The following PDE4D variants were observed in gnomAD, a reference collection of about 807,000 sequenced individuals.
PDE4D encodes 3',5'-cyclic-AMP phosphodiesterase 4D.
Under a neutral mutation model 87.4 loss-of-function variants are expected in PDE4D, and 24 were observed. That is an observed-to-expected ratio of 0.27 (90% CI 0.20 to 0.39). PDE4D has a LOEUF of 0.39. PDE4D is among the 10% of genes least tolerant of loss of function. PDE4D has a pLI of 1.00. For missense variants in PDE4D, 714 were observed against 1,041.0 expected (o/e 0.69, Z 4.32); for synonymous variants, 384 against 383.2 (o/e 1.00, Z -0.02).
At chr5:59,031,373 ATATATATATATATATATAT>A (rs1252361586) in intron 6 of PDE4D, among the ~76,000 whole-genome samples, 28 of 25,758 alleles carry the variant, frequency 1.1e-3, no homozygotes, top group African/African-American at 2.3e-3. Context: ...ATATATATAT[ATATATATATATATATATAT>A]TATATATATA....
chr5:59,489,299 GT>G (rs1446997052), intron 1 of PDE4D, among the ~76,000 whole-genome samples: 4 of 149,950 alleles, frequency 2.7e-5, no homozygotes, highest in Middle Eastern at 3.4e-3. Context: ...AAAAAACATT[GT>G]TGCTGTGGTC....
intron 1 of PDE4D, among the ~76,000 whole-genome samples, chr5:59,829,144 T>TAC (rs71606607): frequency 0.3 from 45,542 of 150,464 alleles, 6,987 homozygotes; most frequent in Admixed American, 0.37. Flanking sequence ...TATACTTATC[T>TAC]ACACACACAC....
At chr5:59,488,598 T>G (rs1044957863) in intron 1 of PDE4D, among the ~76,000 whole-genome samples, 1 of 152,124 alleles carries the variant, frequency 6.6e-6, no homozygotes, top group African/African-American at 2.4e-5. Context: ...AGGATATTCA[T>G]TTTTATGAAA....
chr5:60,451,086 G>C (rs1253402133), intron 1 of PDE4D, among the ~76,000 whole-genome samples: 1 of 152,046 alleles, frequency 6.6e-6, no homozygotes, highest in Non-Finnish European at 1.5e-5. Context: ...GCAGACTCTT[G>C]AACTGACACC....
At chr5:59,095,438 C>A (rs1449136288) in intron 5 of PDE4D, among the ~76,000 whole-genome samples, 3 of 152,014 alleles carry the variant, frequency 2.0e-5, no homozygotes, top group Non-Finnish European at 4.4e-5. Flanking sequence ...TTGATTCCCT[C>A]TGTTACACTA....
chr5:59,172,770 T>C (rs1232335104), intron 5 of PDE4D: 5 of 151,988 alleles, frequency 3.3e-5, no homozygotes, highest in African/African-American at 1.2e-4. Context: ...ATTTAGCTAG[T>C]ACTTAACTAT....
At chr5:59,929,020 G>A (rs1468334594) in intron 3 of PDE4D, among the ~76,000 whole-genome samples, 1 of 151,776 alleles carries the variant, frequency 6.6e-6, no homozygotes, top group Non-Finnish European at 1.5e-5. Context: ...GCTTAAATAA[G>A]GATTCTTTTC....
At chr5:59,963,265 G>A (rs1434758664) in intron 3 of PDE4D, among the ~76,000 whole-genome samples, 1 of 152,120 alleles carries the variant, frequency 6.6e-6, no homozygotes, top group Non-Finnish European at 1.5e-5. Context: ...TCTCAGAGGG[G>A]TGGAAGTCAG....
intron 1 of PDE4D, among the ~76,000 whole-genome samples, chr5:60,416,223 A>C (rs1742534311): frequency 6.6e-6 from 1 of 152,306 alleles, no homozygotes; most frequent in African/African-American, 2.4e-5. Flanking sequence ...TCTGTAAAAC[A>C]GACCAATCAG....
chr5:59,451,809 A>G (rs1206496448), intron 1 of PDE4D, among the ~76,000 whole-genome samples: 1 of 152,186 alleles, frequency 6.6e-6, no homozygotes, highest in East Asian at 1.9e-4. Flanking sequence ...ACTGACTTTA[A>G]AAAACACAAA....
At chr5:59,496,223 C>A (rs926428879) in intron 1 of PDE4D, among the ~76,000 whole-genome samples, 1 of 152,104 alleles carries the variant, frequency 6.6e-6, no homozygotes, top group Non-Finnish European at 1.5e-5. Flanking sequence ...CAGGTGGCAG[C>A]ATCTGTTGGT....
In PDE4D at chr5:59,574,028, A is replaced by AT. The variant is rs1459885734; in HGVS notation, c.455+319139_455+319140insA. On this transcript the variant is annotated intron_variant, in intron 1 of 14. Transcript: ENST00000340635. ...AAAATATATATATATATATATATAT[A>AT]AAAATATATATTTATATATATTTAT... 9.5e-4 allele frequency among the ~76,000 whole-genome samples: 113 copies of AT among 119,098 alleles called. 3 individuals are homozygous for AT. The highest frequency in any genetic ancestry group is 3.6e-3 in the African/African-American group (101 of 28,344). 78.1% of individuals were successfully genotyped at this position (119,098 alleles called of 152,430 possible).
chr5:59,044,008 A>G (rs1398154718), intron 5 of PDE4D, among the ~76,000 whole-genome samples: 5 of 152,192 alleles, frequency 3.3e-5, no homozygotes, highest in East Asian at 1.9e-4. Context: ...TAGTGCCACA[A>G]TAAACATACG....
intron 1 of PDE4D, among the ~76,000 whole-genome samples, chr5:60,480,298 C>A (rs1402481334): frequency 6.6e-6 from 1 of 151,882 alleles, no homozygotes; most frequent in African/African-American, 2.4e-5. Flanking sequence ...TAATCAGTTC[C>A]CCAAATAATA....
At chr5:59,420,748 T>C (rs1794349208) in intron 1 of PDE4D, among the ~76,000 whole-genome samples, 1 of 151,216 alleles carries the variant, frequency 6.6e-6, no homozygotes, top group Admixed American at 6.6e-5. Flanking sequence ...AAAGAGCTGC[T>C]GGTATTCACA....
rs186875601 is a variant in PDE4D, at chr5:59,417,570, G to A, written c.456-201602C>T. 1.7e-3 allele frequency among the ~76,000 whole-genome samples: 249 copies of A among 150,528 alleles called. 1 individual carries two copies. The highest frequency in any genetic ancestry group is 5.8e-3 in the African/African-American group (237 of 40,936). Reference sequence around the variant, plus strand: ...TTTTTTAATAAACAAACAACATAATGAAAAATGATAGAGCACTCAAGCTCA... The same window carrying A: ...TTTTTTAATAAACAAACAACATAATAAAAAATGATAGAGCACTCAAGCTCA... On this transcript the variant is annotated intron_variant, in intron 1 of 14. Coordinates refer to ENST00000340635, the MANE Select transcript of PDE4D (RefSeq NM_001104631.2).
intron 10 of PDE4D, 97 bp from the exon 11 acceptor site, chr5:58,988,689 C>G (rs1290704277): frequency 1.4e-5 from 7 of 504,966 alleles, no homozygotes; most frequent in Non-Finnish European, 2.0e-5. Context: ...AAATGGAAAA[C>G]AAAATGAAGC....
intron 1 of PDE4D, chr5:59,587,337 T>C (rs889508730): frequency 3.6e-5 from 21 of 589,114 alleles, no homozygotes; most frequent in Non-Finnish European, 4.3e-5. Context: ...CTTTTCTTTT[T>C]TTTCCTCTCT....
chr5:60,395,166 AC>A (rs1404219281), intron 1 of PDE4D, among the ~76,000 whole-genome samples: 6 of 152,050 alleles, frequency 3.9e-5, no homozygotes, highest in Non-Finnish European at 1.5e-5. Context: ...AGTTGCATAA[AC>A]CACCCCCCTC....
Sources: allele counts gnomAD v4.1 joint callset (sites outside exome capture counted in the v4.1 genomes callset), GRCh38; gene constraint gnomAD v4.1.1; transcripts MANE v1.5; gene names NCBI Gene and HGNC (gene_info 2026-07-23, HGNC 2026-07-21).